The following TBC1D32 variants were observed in gnomAD, a reference collection of about 807,000 sequenced individuals.
TBC1D32 encodes TBC1 domain family member 32.
Under a neutral mutation model 170.3 loss-of-function variants are expected in TBC1D32, and 151 were observed. The ratio of observed to expected loss-of-function variants is 0.89; its 90% confidence interval spans 0.78 to 1.01. TBC1D32 has a LOEUF of 1.01. TBC1D32 is among the 50% of genes least tolerant of loss of function. The pLI is 0.00. For synonymous variants in TBC1D32, 498 were observed against 488.0 expected, an observed-to-expected ratio of 1.02 and a Z score of -0.27; for missense variants, 1,464 against 1,457.1, an observed-to-expected ratio of 1.00 and a Z score of -0.08.
rs369393269 is a variant in TBC1D32, at chr6:121,231,555, C to T, written c.2364+7515G>A. Among the ~76,000 whole-genome samples the T allele has an allele frequency of 2.0e-5, 3 of 152,186 alleles. No homozygotes were observed. The East Asian group carries it at 5.8e-4, about 29-fold the overall frequency. ...TCCCACTGACAGTGTAAAAGTGTTCCCTTTTCACTGCATCCACGCCAACAT... is the reference window on the plus strand; with the variant it reads ...TCCCACTGACAGTGTAAAAGTGTTCTCTTTTCACTGCATCCACGCCAACAT... On this transcript the variant is annotated intron_variant, in intron 20 of 31. Transcript: ENST00000398212.
At chr6:121,311,504 C>A (rs1230267300) in intron 3 of TBC1D32, among the ~76,000 whole-genome samples, 4 of 151,994 alleles carry the variant, frequency 2.6e-5, no homozygotes, top group Non-Finnish European at 5.9e-5. Flanking sequence ...CCAAGGCGGG[C>A]GGATCACGAG....
chr6:121,316,418 TAAACTTACTAA>T (rs1808944589), intron 3 of TBC1D32, among the ~76,000 whole-genome samples: 1 of 152,124 alleles, frequency 6.6e-6, no homozygotes, highest in Admixed American at 6.6e-5. Flanking sequence ...AGCAACTCAA[TAAACTTACTAA>T]ACAAGCCATC....
intron 22 of TBC1D32, among the ~76,000 whole-genome samples, chr6:121,171,763 T>A (rs983986602): frequency 2.6e-5 from 4 of 152,174 alleles, no homozygotes; most frequent in African/African-American, 9.6e-5. Context: ...ACTACATTTT[T>A]ATATGTTTAA....
Position 121,160,011 on chromosome 6 carries a change from T to C in TBC1D32, c.2772A>G (p.Gln924=). ...SDITRNAGIK[Q]DNDLDKLLLC... ...GGCATTTGATGGTAAATATTTTACC[T>C]TGTTTTATACCAGCATTTCTTGTAA... The change falls in exon 24 of 32, where the codon CAA becomes CAG. Residue 924 remains glutamine (Q), a splice_region_variant and synonymous_variant. Coordinates refer to ENST00000398212, the MANE Select transcript of TBC1D32 (RefSeq NM_152730.6). The C allele has an allele frequency of 6.3e-7, 1 of 1,583,664 alleles. No individual in the cohort carries two copies. Among genetic ancestry groups the C allele is most frequent in the Non-Finnish European group, 8.7e-7 (1 of 1,155,582 alleles).
chr6:121,334,006 G>A (rs543389349), intron 1 of TBC1D32, among the ~76,000 whole-genome samples: 2 of 152,184 alleles, frequency 1.3e-5, no homozygotes, highest in African/African-American at 4.8e-5. Flanking sequence ...GGCGGAGGTT[G>A]TAGTGAGCGG....
rs1056344947 is a variant in TBC1D32 at position 121,213,600 on chromosome 6, A to C, written c.2482-8437T>G. On this transcript the variant is annotated intron_variant, in intron 21 of 31. Transcript: ENST00000398212. Reference sequence around the variant, plus strand: ...GAATACAGCAAACCAGGAAGATGAAAGAACTCTACAATGAGAATTACAAAA... The same window carrying C: ...GAATACAGCAAACCAGGAAGATGAACGAACTCTACAATGAGAATTACAAAA... 1.3e-5 allele frequency among the ~76,000 whole-genome samples: 2 copies of C among 151,824 alleles called. 1 individual carries two copies. The highest frequency in any genetic ancestry group is 4.1e-4 in the South Asian group (2 of 4,824).
Position 121,205,089 on chromosome 6 carries a change from A to G in TBC1D32, c.2556T>C (p.His852=). The G allele has an allele frequency of 6.6e-7, 1 of 1,518,808 alleles. No homozygotes were observed. The allele number at this position is 1,518,808 out of a possible 1,614,324, so 94.1% of individuals were successfully genotyped here. ...TAGCATTTTACCTTAGACCAAAGAT[A>G]TGTGATTGTTCATAGTTGAATAAAG... ...IRSLFNYEQS[H]IFGLRDFIID... Residue 852 remains histidine (H), a synonymous_variant, in exon 22 of 32, where the codon CAT becomes CAC. Coordinates refer to ENST00000398212, the MANE Select transcript of TBC1D32 (RefSeq NM_152730.6).
intron 31 of TBC1D32, among the ~76,000 whole-genome samples, chr6:121,088,662 A>C (rs1471734112): frequency 1.3e-5 from 2 of 152,170 alleles, no homozygotes; most frequent in African/African-American, 4.8e-5. Flanking sequence ...TAAAACAACA[A>C]AAAAAGTAAA....
In TBC1D32 at chr6:121,106,074, C is replaced by A; in HGVS notation, c.3414G>T (p.Glu1138Asp). The A allele has an allele frequency of 6.2e-7, 1 of 1,609,616 alleles. No individual in the cohort carries two copies. Among genetic ancestry groups the A allele is most frequent in the Non-Finnish European group, 8.5e-7 (1 of 1,176,942 alleles). The change falls in exon 30 of 32, where the codon GAG becomes GAT. Residue 1138 changes from glutamate to aspartate, a missense_variant. Transcript: ENST00000398212. The part of the protein sequence containing the change: ...THYIEMLLKA[E>D]LPLVFSAFHM... Reference sequence around the variant, plus strand: ...GAAAAGCTGAAAACACAAGAGGCAACTCAGCCTTCAGTAGCATTTCAATAT... The same window carrying A: ...GAAAAGCTGAAAACACAAGAGGCAAATCAGCCTTCAGTAGCATTTCAATAT...
At chr6:121,125,813 T>C (rs372891262) in intron 26 of TBC1D32, among the ~76,000 whole-genome samples, 5 of 152,236 alleles carry the variant, frequency 3.3e-5, no homozygotes, top group East Asian at 1.9e-4. Context: ...ACAGTTAAGA[T>C]TGCAGCAGAA....
chr6:121,185,044 T>C (rs982585697), intron 22 of TBC1D32, among the ~76,000 whole-genome samples: 18 of 147,812 alleles, frequency 1.2e-4, no homozygotes, highest in African/African-American at 4.5e-4. Context: ...CATACTATTC[T>C]GTAAGTTTTT....
intron 19 of TBC1D32, 131 bp from the exon 20 acceptor site, chr6:121,239,319 A>C: frequency 2.2e-6 from 1 of 463,848 alleles, no homozygotes; most frequent in South Asian, 5.4e-5. Flanking sequence ...CTTATATAAA[A>C]AATAATCTCT....
chr6:121,104,437 T>C (rs1012030407), intron 30 of TBC1D32, among the ~76,000 whole-genome samples: 10 of 151,702 alleles, frequency 6.6e-5, no homozygotes, highest in African/African-American at 2.2e-4. Flanking sequence ...AGACTCTACT[T>C]AACGATAACA....
chr6:121,091,765 T>TA (rs1268967926), intron 30 of TBC1D32, among the ~76,000 whole-genome samples: 1 of 152,054 alleles, frequency 6.6e-6, no homozygotes, highest in Non-Finnish European at 1.5e-5. Context: ...ACTCAAAAGA[T>TA]ATGTCAAAGC....
chr6:121,130,891 C>G (rs1418716071), intron 25 of TBC1D32, among the ~76,000 whole-genome samples: 1 of 151,994 alleles, frequency 6.6e-6, no homozygotes, highest in African/African-American at 2.4e-5. Flanking sequence ...TCACTTTATA[C>G]TCAAACTTTG....
At chr6:121,097,480 A>G (rs1777557317) in intron 30 of TBC1D32, among the ~76,000 whole-genome samples, 1 of 152,222 alleles carries the variant, frequency 6.6e-6, no homozygotes, top group South Asian at 2.1e-4. Context: ...ATGCAAATCA[A>G]AACCACAATG....
chr6:121,087,024 T>C (rs1169140216), intron 31 of TBC1D32, among the ~76,000 whole-genome samples: 1 of 152,238 alleles, frequency 6.6e-6, no homozygotes, highest in Non-Finnish European at 1.5e-5. Context: ...GCCCAAGGAC[T>C]GAGCTCTTTC....
chr6:121,245,480 C>T (rs1025106406), intron 17 of TBC1D32, among the ~76,000 whole-genome samples: 2 of 152,136 alleles, frequency 1.3e-5, no homozygotes, highest in Non-Finnish European at 2.9e-5. Context: ...CCAGATCTTT[C>T]TGCTGGTGGG....
intron 17 of TBC1D32, among the ~76,000 whole-genome samples, chr6:121,249,552 T>C (rs1798037594): frequency 6.6e-6 from 1 of 151,990 alleles, no homozygotes; most frequent in African/African-American, 2.4e-5. Flanking sequence ...TATATGATCA[T>C]ATACCTCAAA....
Sources: allele counts gnomAD v4.1 joint callset (sites outside exome capture counted in the v4.1 genomes callset), GRCh38; gene constraint gnomAD v4.1.1; transcripts MANE v1.5; gene names NCBI Gene and HGNC (gene_info 2026-07-23, HGNC 2026-07-21).